KRT6C: variants seen among roughly 807,000 people sequenced by gnomAD.
KRT6C encodes the protein keratin, type II cytoskeletal 6C.
Under a neutral mutation model 49.4 loss-of-function variants are expected in KRT6C, and 46 were observed. The ratio of observed to expected loss-of-function variants is 0.93; its 90% CI spans 0.74 to 1.19. The LOEUF (loss-of-function observed/expected upper bound fraction) is 1.19, where lower values mean the gene tolerates loss of function less well. Ranked by LOEUF, KRT6C falls within the 50% of genes most tolerant of loss-of-function variation. The probability of loss-of-function intolerance (pLI) is 0.00; values close to 1 mark genes in which losing one functional copy is unlikely to be tolerated. For missense variants in KRT6C, 552 were observed against 737.5 expected, an observed-to-expected ratio of 0.75 and a Z score of 2.91; for synonymous variants, 236 against 297.1, an observed-to-expected ratio of 0.79 and a Z score of 2.12.
chr12:52,469,888 A>G lies in KRT6C; in HGVS notation c.1206T>C (p.Cys402=), dbSNP rs138764418. The change falls in exon 7 of 9, where the codon TGT becomes TGC. Residue 402 remains cysteine (C), a splice_region_variant and synonymous_variant. Coordinates refer to ENST00000252250, the MANE Select transcript of KRT6C (RefSeq NM_173086.5). ...RSEIDHVKKQ[C]ASLQAAIADA... is the part of the protein sequence containing the mutation. ...CAGCAATGGCAGCCTGCAGGCTGGCACACTAGGAGGGGAAAGGAAGAGAAG... is the reference window on the plus strand; with the variant it reads ...CAGCAATGGCAGCCTGCAGGCTGGCGCACTAGGAGGGGAAAGGAAGAGAAG... The G allele has an allele frequency of 3.0e-4, 483 of 1,614,108 alleles. 4 individuals are homozygous for G. The highest frequency in any genetic ancestry group is 2.1e-3 in the South Asian group (192 of 91,076).
In KRT6C at chr12:52,469,680, C is replaced by G; in HGVS notation, c.1414G>C (p.Glu472Gln). Residue 472 changes from glutamate (E) to glutamine (Q), a missense_variant, in exon 7 of 9, where the codon GAG becomes CAG. Physicochemically the swap from Glu to Gln is conservative, Grantham distance 29 (BLOSUM62 2). Transcript: ENST00000252250. ...GCGTCAGTTACCTACCTGCACTCCTCGCCCTCCAGCAGCTTGCGGTAGGTG... is the reference window on the plus strand; with the variant it reads ...GCGTCAGTTACCTACCTGCACTCCTGGCCCTCCAGCAGCTTGCGGTAGGTG... Reference protein sequence around the residue: ...IATYRKLLEGEECRLNGEGVG... With the variant: ...IATYRKLLEGQECRLNGEGVG... 2 of 1,614,198 alleles carry G rather than the reference C, an allele frequency of 1.2e-6. No homozygotes were observed. Among genetic ancestry groups the G allele is most frequent in the Non-Finnish European group, 1.7e-6 (2 of 1,180,030 alleles).
Position 52,473,643 on chromosome 12 carries a change from C to T in KRT6C, c.95G>A (p.Gly32Asp). Residue 32 changes from glycine (G) to aspartate (D), a missense_variant, in exon 1 of 9, where the codon GGC becomes GAC. Gly to Asp is a moderately conservative substitution (Grantham distance 94). Around this residue, in one of 3 missense-constraint regions of KRT6C, gnomAD observed 73 missense variants for 102.1 expected, o/e 0.71. Transcript: ENST00000252250. ...SARLPGVSRS[G>D]FSSISVSRSR... ...GCGGGACACGGAGATGCTGCTGAAG[C>T]CAGAGCGGCTGACCCCAGGGAGCCT... 6.2e-7 allele frequency: 1 copy of T among 1,611,976 alleles called. No individual in the cohort carries two copies. Among genetic ancestry groups the T allele is most frequent in the Non-Finnish European group, 8.5e-7 (1 of 1,179,746 alleles).
intron 6 of KRT6C, 197 bp downstream of exon 6, chr12:52,470,308 T>G: frequency 1.1e-6 from 1 of 935,986 alleles, no homozygotes; most frequent in South Asian, 1.5e-5. Context: ...AGACCTGGCC[T>G]TGCTTGTGCC....
At position 52,471,473 on chromosome 12, in the gene KRT6C, T is replaced by A. The variant is rs1241759879; in HGVS notation, c.860A>T (p.Lys287Met). 12 of 1,613,778 alleles carry A rather than the reference T, an allele frequency of 7.4e-6. No individual in the cohort carries two copies. The East Asian group carries it at 2.7e-4, about 36-fold the overall frequency. The change falls in exon 4 of 9, where the codon AAG becomes ATG. Residue 287 changes from lysine to methionine, a missense_variant. Lys to Met is a moderately conservative substitution (Grantham distance 95). Transcript: ENST00000252250. ...AYMNKVELQA[K>M]ADTLTDEINF... is the part of the protein sequence containing the mutation. ...GATCTCATCTGTGAGAGTGTCTGCC[T>A]TGGCTTGCAGTTCAACCTTGTTCAT... is the stretch of plus-strand genomic sequence containing the variant.
rs766612368 is a variant in KRT6C, at chr12:52,473,267, C to T, written c.471G>A (p.Gln157=). 1 of 1,508,284 alleles carries T rather than the reference C, an allele frequency of 6.6e-7. No homozygotes were observed. The highest frequency in any genetic ancestry group is 9.1e-7 in the Non-Finnish European group (1 of 1,094,398). The allele number at this position is 1,508,284 out of a possible 1,614,324, so 93.4% of individuals were successfully genotyped here. ...PLNLQIDPAI[Q]RVRAEEREQI... is the part of the protein sequence containing the mutation. Reference sequence around the variant, plus strand: ...GCTCACGCTCCTCGGCCCGCACCCGCTGGATGGCGGGGTCAATTTGCAGGT... The same window carrying T: ...GCTCACGCTCCTCGGCCCGCACCCGTTGGATGGCGGGGTCAATTTGCAGGT... Residue 157 remains glutamine, a synonymous_variant, in exon 1 of 9, where the codon CAG becomes CAA. Coordinates refer to ENST00000252250, the MANE Select transcript of KRT6C (RefSeq NM_173086.5).
intron 5 of KRT6C, 80 bp from the exon 6 acceptor site, chr12:52,470,710 A>G (rs1055586603): frequency 1.7e-5 from 27 of 1,611,962 alleles, no homozygotes; most frequent in Admixed American, 1.0e-4. Flanking sequence ...TGTATCATGC[A>G]TGTCATGAAG....
rs1404013239 is a variant in KRT6C, at chr12:52,468,816, A to G, written c.*246T>C. The G allele has an allele frequency of 1.8e-6, 1 of 555,012 alleles. No individual in the cohort carries two copies. 34.4% of individuals were successfully genotyped at this position (555,012 alleles called of 1,614,324 possible). ...GGCAAGAAATTAATAATTTAGTAAC[A>G]AAGTGAAGCTCCATTGGTGAATACA... On this transcript the variant is annotated 3_prime_UTR_variant, in exon 9 of 9. Coordinates refer to ENST00000252250, the MANE Select transcript of KRT6C (RefSeq NM_173086.5).
At chr12:52,469,329 G>C (rs1165560620) in intron 8 of KRT6C, 32 bp from the exon 9 acceptor site, 1 of 1,614,040 alleles carries the variant, frequency 6.2e-7, no homozygotes, top group African/African-American at 1.3e-5. Context: ...GACACAAGAA[G>C]CCACGGTGAG....
chr12:52,472,359 C>A, intron 1 of KRT6C, 79 bp from the exon 2 acceptor site: 1 of 1,245,284 alleles, frequency 8.0e-7, no homozygotes, highest in South Asian at 1.2e-5. Flanking sequence ...CCTGGCAGGT[C>A]TTGGAGGTCC....
rs560694084 is a variant in KRT6C at position 52,469,375 on chromosome 12, C to A, written c.1459+36G>T. On this transcript the variant is annotated intron_variant, in intron 8 of 8. Coordinates refer to ENST00000252250, the MANE Select transcript of KRT6C (RefSeq NM_173086.5). ...CGGCCTGAGCCCAGTCAGAAGAGTG[C>A]GAGGGCAGGGGAGGAAGGCAAGCAA... 4.8e-5 allele frequency: 78 copies of A among 1,613,966 alleles called. No individual in the cohort carries two copies. In the South Asian group the frequency reaches 7.6e-4, roughly 16 times the overall value.
In KRT6C at chr12:52,471,732, T is replaced by C; in HGVS notation, c.756A>G (p.Lys252=). The change falls in exon 3 of 9, where the codon AAA becomes AAG. Residue 252 remains lysine, a splice_region_variant and synonymous_variant. Coordinates refer to ENST00000252250, the MANE Select transcript of KRT6C (RefSeq NM_173086.5). ...MQDLVEDLKN[K]YEDEINKRTA... is the part of the protein sequence containing the mutation. ...TGCGCTTGTTGATTTCATCCTCATA[T>C]CTACAGGAAGAAAGGCATAGGACAC... 2 of 1,613,766 alleles carry C rather than the reference T, an allele frequency of 1.2e-6. No individual in the cohort carries two copies. Among genetic ancestry groups the C allele is most frequent in the Admixed American group, 1.7e-5 (1 of 60,008 alleles).
intron 1 of KRT6C, among the ~76,000 whole-genome samples, chr12:52,472,583 C>T (rs1248987167): frequency 7.4e-6 from 1 of 135,022 alleles, no homozygotes; most frequent in Admixed American, 7.5e-5. Context: ...TTTAAAAATA[C>T]TAATTACCTG....
rs375162025 is a variant in KRT6C at position 52,473,204 on chromosome 12, G to A, written c.534C>T (p.Ile178=). 33 of 1,559,076 alleles carry A rather than the reference G, an allele frequency of 2.1e-5. No homozygotes were observed. In the African/African-American group the frequency reaches 2.8e-4, roughly 13 times the overall value. Residue 178 remains isoleucine, a synonymous_variant, in exon 1 of 9, where the codon ATC becomes ATT. Coordinates refer to ENST00000252250, the MANE Select transcript of KRT6C (RefSeq NM_173086.5). The part of the protein sequence containing the change: ...KTLNNKFASF[I]DKVRFLEQQN... ...GGGCATGGCACTGGCTCACCTTGTC[G>A]ATGAAGGAGGCAAACTTGTTGTTGA...
chr12:52,471,019 C>G (rs1937868988), intron 5 of KRT6C, 113 bp downstream of exon 5: 2 of 1,559,906 alleles, frequency 1.3e-6, no homozygotes, highest in Admixed American at 3.3e-5. Flanking sequence ...AGTGCATGTC[C>G]TGTGAGAGGA....
intron 7 of KRT6C, 53 bp downstream of exon 7, chr12:52,469,617 A>G: frequency 6.2e-7 from 1 of 1,614,114 alleles, no homozygotes. Context: ...GCTCAGTGCC[A>G]GGAACCTTGA....
rs552295842 is a variant in KRT6C, at chr12:52,469,203, G to A, written c.1554C>T (p.Gly518=). The change falls in exon 9 of 9, where the codon GGC becomes GGT. Residue 518 remains glycine (G), a synonymous_variant. Coordinates refer to ENST00000252250, the MANE Select transcript of KRT6C (RefSeq NM_173086.5). ...AGCCACCTCCAATGCCAAGACCACT[G>A]CCATAGGAGTAGCTGCTTCCTCCAC... ...GLGGGSSYSY[G]SGLGIGGGFS... is the part of the protein sequence containing the mutation. 6.2e-7 allele frequency: 1 copy of A among 1,614,002 alleles called. No homozygotes were observed. The highest frequency in any genetic ancestry group is 1.1e-5 in the South Asian group (1 of 91,082).
rs11608915 is a variant in KRT6C, at chr12:52,472,276, C to T, written c.545G>A (p.Arg182Gln). Residue 182 changes from arginine (R) to glutamine (Q), a missense_variant, in exon 2 of 9, where the codon CGG (arginine) becomes CAG (glutamine). Arg to Gln is a conservative substitution (Grantham distance 43). Around this residue, in one of 3 missense-constraint regions of KRT6C, gnomAD observed 54 missense variants for 195.9 expected, o/e 0.28. Transcript: ENST00000252250. ...AACCTTGTTCTGCTGCTCTAGGAACCGCACCTGGAAGGGAAGCAAGATGGT... is the reference window on the plus strand; with the variant it reads ...AACCTTGTTCTGCTGCTCTAGGAACTGCACCTGGAAGGGAAGCAAGATGGT... ...NKFASFIDKV[R>Q]FLEQQNKVLD... The T allele has an allele frequency of 0.54, 747,925 of 1,394,470 alleles. 289,104 individuals carry two copies. Among genetic ancestry groups the T allele is most frequent in the East Asian group, 0.62 (18,798 of 30,302 alleles). 86.4% of individuals were successfully genotyped at this position (1,394,470 alleles called of 1,614,324 possible).
chr12:52,469,187 C>T lies in KRT6C; in HGVS notation c.1570G>A (p.Gly524Arg), dbSNP rs1937826253. The part of the protein sequence containing the change: ...SYSYGSGLGI[G>R]GGFSSSSGRA... The stretch of plus-strand genomic sequence containing the variant: ...CCACTGCTGGAACTGAAGCCACCTC[C>T]AATGCCAAGACCACTGCCATAGGAG... Residue 524 changes from glycine to arginine, a missense_variant, in exon 9 of 9, where the codon GGA becomes AGA. Gly to Arg is a moderately radical substitution (Grantham distance 125). Coordinates refer to ENST00000252250, the MANE Select transcript of KRT6C (RefSeq NM_173086.5). 1 of 1,613,894 alleles carries T rather than the reference C, an allele frequency of 6.2e-7. No homozygotes were observed. Among genetic ancestry groups the T allele is most frequent in the African/African-American group, 1.3e-5 (1 of 74,928 alleles).
chr12:52,473,789 G>A lies in KRT6C; in HGVS notation c.-52C>T, dbSNP rs1364664833. On this transcript the variant is annotated 5_prime_UTR_variant, in exon 1 of 9. Coordinates refer to ENST00000252250, the MANE Select transcript of KRT6C (RefSeq NM_173086.5). Reference sequence around the variant, plus strand: ...CGAGCGTTGGAGGCTGGAGGCGAGAGGCAGGAGAAGCAGGACAAGGAATCG... The same window carrying A: ...CGAGCGTTGGAGGCTGGAGGCGAGAAGCAGGAGAAGCAGGACAAGGAATCG... The A allele has an allele frequency of 6.2e-7, 1 of 1,613,432 alleles. No individual in the cohort carries two copies. Among genetic ancestry groups the A allele is most frequent in the Non-Finnish European group, 8.5e-7 (1 of 1,179,786 alleles).
Sources: gnomAD v4.1 joint callset for allele counts (sites outside exome capture counted in the v4.1 genomes callset) on GRCh38, gnomAD v4.1.1 for gene constraint, gnomAD v4.1.1 regional missense constraint, MANE v1.5 for transcripts, NCBI Gene and HGNC (gene_info 2026-07-23, HGNC 2026-07-21) for gene names.